The following SENP5 variants were observed in gnomAD, a reference collection of about 807,000 sequenced individuals.
SENP5 encodes the protein sentrin-specific protease 5.
In SENP5, 21 loss-of-function variants were observed where a neutral mutation model predicts 74.2. That is an observed-to-expected ratio of 0.28 (90% confidence interval 0.20 to 0.41). SENP5 has a LOEUF of 0.41. Ranked by LOEUF, SENP5 falls within the 10% of genes least tolerant of loss-of-function variation. The pLI, the probability that SENP5 is intolerant of heterozygous loss-of-function variation, is 1.00. For synonymous variants in SENP5, 311 were observed against 312.7 expected, an observed-to-expected ratio of 0.99 and a Z score of 0.06; for missense variants, 717 against 889.1, an observed-to-expected ratio of 0.81 and a Z score of 2.46.
In SENP5 at chr3:196,929,628, T is replaced by C. The variant is rs777031756; in HGVS notation, c.2107-5T>C. On this transcript the variant is annotated splice_polypyrimidine_tract_variant and splice_region_variant and intron_variant, in intron 8 of 9. Coordinates refer to ENST00000323460, the MANE Select transcript of SENP5 (RefSeq NM_152699.5). ...TTTTAATGACTATTTTGTTTTTCCCTTCAGTGTATTCCACAACAGAAAAAC... is the reference window on the plus strand; with the variant it reads ...TTTTAATGACTATTTTGTTTTTCCCCTCAGTGTATTCCACAACAGAAAAAC... 6.3e-7 allele frequency: 1 copy of C among 1,586,316 alleles called. No individual in the cohort carries two copies. Among genetic ancestry groups the C allele is most frequent in the Non-Finnish European group, 8.6e-7 (1 of 1,158,076 alleles).
intron 2 of SENP5, among the ~76,000 whole-genome samples, chr3:196,888,114 C>G (rs1324205988): frequency 6.6e-6 from 1 of 152,104 alleles, no homozygotes; most frequent in Non-Finnish European, 1.5e-5. Context: ...CTAGTTTTTA[C>G]GTCATGCTTT....
chr3:196,907,268 T>TA (rs1397010511), intron 6 of SENP5, among the ~76,000 whole-genome samples: 1 of 151,890 alleles, frequency 6.6e-6, no homozygotes, highest in Non-Finnish European at 1.5e-5. Context: ...GGTCAGGAGA[T>TA]AGAGACCATC....
chr3:196,887,373 T>A (rs1714018252), intron 2 of SENP5, among the ~76,000 whole-genome samples: 1 of 151,922 alleles, frequency 6.6e-6, no homozygotes, highest in Admixed American at 6.6e-5. Context: ...AGAGATGGGG[T>A]TTCACCATGT....
Position 196,886,041 on chromosome 3 carries a change from G to T in SENP5, c.860G>T (p.Ser287Ile). Residue 287 changes from serine to isoleucine, a missense_variant, in exon 2 of 10, where the codon AGT becomes ATT. By Grantham distance (142) the Ser-to-Ile change is moderately radical. Around this residue, in one of 4 missense-constraint regions of SENP5, gnomAD observed 567 missense variants for 577.4 expected, o/e 0.98. Coordinates refer to ENST00000323460, the MANE Select transcript of SENP5 (RefSeq NM_152699.5). Reference sequence around the variant, plus strand: ...CGTAGGGAGAACGGTGAGGGTGGCAGTTGCAGCCCATTTCCTTCCCCAGAA... The same window carrying T: ...CGTAGGGAGAACGGTGAGGGTGGCATTTGCAGCCCATTTCCTTCCCCAGAA... ...ETRRENGEGG[S>I]CSPFPSPEPK... 1 of 1,614,182 alleles carries T rather than the reference G, an allele frequency of 6.2e-7. No individual in the cohort carries two copies. The highest frequency in any genetic ancestry group is 8.5e-7 in the Non-Finnish European group (1 of 1,180,028).
chr3:196,915,208 CAG>C (rs1301910102), intron 6 of SENP5, among the ~76,000 whole-genome samples: 1 of 152,228 alleles, frequency 6.6e-6, no homozygotes, highest in African/African-American at 2.4e-5. Flanking sequence ...GTGCTGGGGT[CAG>C]AGCCTGTGGA....
intron 6 of SENP5, among the ~76,000 whole-genome samples, chr3:196,915,763 C>G (rs1215167625): frequency 1.3e-5 from 2 of 152,144 alleles, no homozygotes; most frequent in African/African-American, 4.8e-5. Context: ...GCCTAATAAT[C>G]TAGGAAATTC....
rs772845818 is a variant in SENP5 at position 196,886,350 on chromosome 3, C to T, written c.1169C>T (p.Thr390Ile). Residue 390 changes from threonine (T) to isoleucine (I), a missense_variant, in exon 2 of 10, where the codon ACT becomes ATT. This residue lies in a region of SENP5 where 567 missense variants were observed against 577.4 expected (regional missense o/e 0.98). Coordinates refer to ENST00000323460, the MANE Select transcript of SENP5 (RefSeq NM_152699.5). ...TCTAATACCATGTTCATTTCAGAAACTGAAAGAGAAATTATGACTCTGGGT... is the reference window on the plus strand; with the variant it reads ...TCTAATACCATGTTCATTTCAGAAATTGAAAGAGAAATTATGACTCTGGGT... ...HRSNTMFISETEREIMTLGQE... is the reference protein window; with the variant it reads ...HRSNTMFISEIEREIMTLGQE... 3.1e-6 allele frequency: 5 copies of T among 1,613,334 alleles called. No homozygotes were observed. In the Admixed American group the frequency reaches 8.4e-5, roughly 27 times the overall value.
intron 6 of SENP5, among the ~76,000 whole-genome samples, chr3:196,918,977 G>GTATCTATC (rs10576145): frequency 5.3e-4 from 81 of 151,738 alleles, no homozygotes; most frequent in Middle Eastern, 3.4e-3. Context: ...ATGTATGTGT[G>GTATCTATC]TATCTATCTA....
Position 196,927,829 on chromosome 3 carries a change from G to GA in SENP5, c.2063dup (p.Asn688LysfsTer2). ...AAAGTATTTGCTGACTGAAGCCAGA[G>GA]AAAAAAATAGACCTGAATTTCTTCA... is the stretch of plus-strand genomic sequence containing the variant. On this transcript the variant is annotated frameshift_variant, in exon 8 of 10. Transcript: ENST00000323460. LOFTEE classifies it high-confidence loss of function. 1 of 1,612,592 alleles carries GA rather than the reference G, an allele frequency of 6.2e-7. No homozygotes were observed. The highest frequency in any genetic ancestry group is 8.5e-7 in the Non-Finnish European group (1 of 1,178,732).
chr3:196,880,448 A>T (rs1264353260), intron 1 of SENP5, among the ~76,000 whole-genome samples: 1 of 152,158 alleles, frequency 6.6e-6, no homozygotes, highest in African/African-American at 2.4e-5. Context: ...AATACTGCTA[A>T]CTGATCTGCA....
intron 7 of SENP5, among the ~76,000 whole-genome samples, chr3:196,926,782 G>A (rs1327773702): frequency 6.6e-6 from 1 of 151,772 alleles, no homozygotes; most frequent in Non-Finnish European, 1.5e-5. Context: ...GGGATTACAG[G>A]TGTGCACCAC....
intron 1 of SENP5, among the ~76,000 whole-genome samples, chr3:196,870,830 AT>A (rs1167064812): frequency 1.3e-5 from 2 of 151,864 alleles, no homozygotes; most frequent in Non-Finnish European, 2.9e-5. Flanking sequence ...CAGCATGTTG[AT>A]TTTCTACAAC....
intron 1 of SENP5, among the ~76,000 whole-genome samples, chr3:196,875,833 G>C (rs1405538594): frequency 1.3e-5 from 2 of 152,006 alleles, no homozygotes; most frequent in African/African-American, 2.4e-5. Context: ...ATGCCCAAGC[G>C]ATCCTTCCAC....
chr3:196,889,512 AG>A (rs546696391), intron 2 of SENP5, among the ~76,000 whole-genome samples: 133 of 152,302 alleles, frequency 8.7e-4, no homozygotes, highest in African/African-American at 3.2e-3. Context: ...AAAACCTGTT[AG>A]TAAAATTGTT....
intron 2 of SENP5, among the ~76,000 whole-genome samples, chr3:196,889,630 G>T (rs1437341233): frequency 6.6e-6 from 1 of 152,168 alleles, no homozygotes; most frequent in Non-Finnish European, 1.5e-5. Flanking sequence ...TTAAGAGAAT[G>T]AAGTAAGCTC....
At chr3:196,927,568 CA>C (rs1715859548) in intron 7 of SENP5, among the ~76,000 whole-genome samples, 1 of 150,364 alleles carries the variant, frequency 6.7e-6, no homozygotes. Context: ...CCTAGGAGTT[CA>C]AGGCTGCAGT....
At chr3:196,908,034 C>G (rs1714977546) in intron 6 of SENP5, among the ~76,000 whole-genome samples, 1 of 152,120 alleles carries the variant, frequency 6.6e-6, no homozygotes, top group Admixed American at 6.6e-5. Context: ...CTTTGGGAGG[C>G]CTAAAATTAC....
At chr3:196,917,554 C>G (rs913689422) in intron 6 of SENP5, among the ~76,000 whole-genome samples, 1 of 152,026 alleles carries the variant, frequency 6.6e-6, no homozygotes, top group African/African-American at 2.4e-5. Context: ...AAGAAAGAAT[C>G]CTAAAAGCAG....
At chr3:196,920,204 A>G (rs560899075) in intron 6 of SENP5, among the ~76,000 whole-genome samples, 2 of 152,296 alleles carry the variant, frequency 1.3e-5, no homozygotes, top group Admixed American at 1.3e-4. Context: ...AACATGGTAT[A>G]TATCTTTGCA....
Sources: gnomAD v4.1 joint callset for allele counts (sites outside exome capture counted in the v4.1 genomes callset) on GRCh38, gnomAD v4.1.1 for gene constraint, gnomAD v4.1.1 regional missense constraint, MANE v1.5 for transcripts, NCBI Gene and HGNC (gene_info 2026-07-23, HGNC 2026-07-21) for gene names.